Variants in SMIM14 observed in about 807,000 individuals in gnomAD.
The protein encoded by SMIM14 is small integral membrane protein 14.
A neutral mutation model predicts 12.6 loss-of-function variants in SMIM14; 5 were observed. The observed-to-expected ratio is 0.40, with a 90% CI of 0.21 to 0.83. The LOEUF is 0.83. Ranked by LOEUF, SMIM14 falls within the 40% of genes least tolerant of loss-of-function variation. SMIM14 has a pLI of 0.37. For synonymous variants in SMIM14, 30 were observed against 40.1 expected (o/e 0.75, Z 0.95); for missense variants, 86 against 119.1 (o/e 0.72, Z 1.29).
intron 2 of SMIM14, among the ~76,000 whole-genome samples, chr4:39,602,981 T>C (rs1714673089): frequency 6.6e-6 from 1 of 152,122 alleles, no homozygotes; most frequent in Non-Finnish European, 1.5e-5. Flanking sequence ...ATGTTACAGG[T>C]TGAGTATCCC....
At chr4:39,597,220 A>T (rs1227143793) in intron 2 of SMIM14, among the ~76,000 whole-genome samples, 2 of 151,132 alleles carry the variant, frequency 1.3e-5, no homozygotes, top group Non-Finnish European at 2.9e-5. Context: ...TGCATCCTAC[A>T]TGGCTTAAAA....
intron 2 of SMIM14, among the ~76,000 whole-genome samples, chr4:39,603,528 C>T (rs896036964): frequency 2.2e-4 from 34 of 152,020 alleles, no homozygotes; most frequent in Admixed American, 5.2e-4. Context: ...CACTGCACTC[C>T]AGCCTGGGTG....
intron 3 of SMIM14, among the ~76,000 whole-genome samples, chr4:39,569,830 CT>C (rs1712793231): frequency 6.6e-6 from 1 of 152,198 alleles, no homozygotes; most frequent in Admixed American, 6.6e-5. Context: ...CTATTCCCCT[CT>C]TTTCTGCCTA....
intron 2 of SMIM14, among the ~76,000 whole-genome samples, chr4:39,572,713 T>C (rs1169314039): frequency 1.3e-5 from 2 of 152,062 alleles, no homozygotes; most frequent in Non-Finnish European, 2.9e-5. Context: ...TCTCAGCTAT[T>C]AGGGAGGCTG....
chr4:39,560,250 C>CTTTTTTTTTT (rs773257583), intron 3 of SMIM14, among the ~76,000 whole-genome samples: 2 of 140,754 alleles, frequency 1.4e-5, no homozygotes, highest in African/African-American at 5.4e-5. Flanking sequence ...CTTTTCTTTT[C>CTTTTTTTTTT]TTTTTTTTTT....
At chr4:39,611,433 G>A (rs142946778) in intron 1 of SMIM14, among the ~76,000 whole-genome samples, 1,764 of 152,116 alleles carry the variant, frequency 0.012, 27 homozygotes, top group African/African-American at 0.04. Context: ...TTGAACTCGG[G>A]GGGTGGAGGT....
Position 39,549,195 on chromosome 4 carries a change from AAAC to A in SMIM14, c.*2928_*2930del, listed in dbSNP as rs1004907524. The A allele has an allele frequency of 7.2e-5, 11 of 152,268 alleles. No homozygotes were observed. The highest frequency in any genetic ancestry group is 2.6e-4 in the African/African-American group (11 of 41,570). The allele number at this position is 152,268 out of a possible 1,614,324, so 9.4% of individuals were successfully genotyped here. A position where few individuals can be genotyped will look rare whatever the true frequency, so the allele number is the denominator to read the frequency against. On this transcript the variant is annotated 3_prime_UTR_variant, in exon 5 of 5. Transcript: ENST00000295958. ...GGCGAAAGAGCAAAACTCCATCTCAAAACAACAACCAAAAAGAATCCAGATTTT... is the reference window on the plus strand; with the variant it reads ...GGCGAAAGAGCAAAACTCCATCTCAAAACAACCAAAAAGAATCCAGATTTT...
intron 1 of SMIM14, among the ~76,000 whole-genome samples, chr4:39,614,591 G>C (rs543251193): frequency 1.3e-5 from 2 of 151,976 alleles, no homozygotes; most frequent in Non-Finnish European, 2.9e-5. Context: ...CAAAGTGCTG[G>C]GATTACAGGC....
chr4:39,572,534 C>G (rs1215519159), intron 2 of SMIM14, 71 bp from the exon 3 acceptor site: 1 of 1,362,646 alleles, frequency 7.3e-7, no homozygotes, highest in African/African-American at 1.4e-5. Flanking sequence ...TTAGAAAGAT[C>G]ATGTTTTGGC....
At chr4:39,615,814 A>G (rs1414307594) in intron 1 of SMIM14, among the ~76,000 whole-genome samples, 1 of 152,202 alleles carries the variant, frequency 6.6e-6, no homozygotes, top group Non-Finnish European at 1.5e-5. Flanking sequence ...ACTTTTGTGT[A>G]TATTTTTTAA....
At chr4:39,609,228 C>G (rs900658142) in intron 1 of SMIM14, among the ~76,000 whole-genome samples, 5 of 152,158 alleles carry the variant, frequency 3.3e-5, no homozygotes, top group South Asian at 2.1e-4. Flanking sequence ...GATCCGCCCG[C>G]CTTGGCCTCC....
chr4:39,591,799 C>T (rs1714095005), intron 2 of SMIM14, among the ~76,000 whole-genome samples: 3 of 152,254 alleles, frequency 2.0e-5, no homozygotes, highest in South Asian at 4.1e-4. Flanking sequence ...CTCCTGGCCT[C>T]AAATGATCTG....
At chr4:39,576,549 G>A (rs1713175249) in intron 2 of SMIM14, among the ~76,000 whole-genome samples, 3 of 149,700 alleles carry the variant, frequency 2.0e-5, no homozygotes, top group Non-Finnish European at 4.4e-5. Context: ...AGAACCAAAT[G>A]CTCTCTACAA....
chr4:39,638,352 A>G (rs907804172), intron 1 of SMIM14: 16 of 574,862 alleles, frequency 2.8e-5, no homozygotes, highest in Non-Finnish European at 3.3e-5. Context: ...GACGGTAAAC[A>G]AGATAGTGTG....
chr4:39,638,483 C>T, intron 1 of SMIM14: 2 of 985,484 alleles, frequency 2.0e-6, no homozygotes, highest in Non-Finnish European at 2.4e-6. Context: ...CTTGCCCTTG[C>T]CTGCAAAGCC....
Position 39,636,029 on chromosome 4 carries a change from C to T in SMIM14, c.-36+2710G>A, listed in dbSNP as rs369841426. ...CTCTACTAAAAATACAAAAATTAGT[C>T]GGGCGTGATGGTGTGCACCTGTAAT... On this transcript the variant is annotated intron_variant, in intron 1 of 4. Transcript: ENST00000295958. 3.8e-4 allele frequency among the ~76,000 whole-genome samples: 57 copies of T among 151,886 alleles called. No individual in the cohort carries two copies. In the East Asian group the frequency reaches 9.3e-3, roughly 25 times the overall value.
intron 2 of SMIM14, chr4:39,593,370 C>T (rs1560296996): frequency 6.6e-6 from 1 of 152,196 alleles, no homozygotes; most frequent in Non-Finnish European, 1.5e-5. Flanking sequence ...ATGCTAAAAA[C>T]TTTCAATAAA....
chr4:39,631,119 G>A (rs991182796), intron 1 of SMIM14, among the ~76,000 whole-genome samples: 5 of 151,806 alleles, frequency 3.3e-5, no homozygotes, highest in Non-Finnish European at 5.9e-5. Flanking sequence ...ATCACTTGAG[G>A]TCAGGAGTTC....
intron 1 of SMIM14, among the ~76,000 whole-genome samples, chr4:39,609,908 G>A (rs1714963014): frequency 6.6e-6 from 1 of 152,190 alleles, no homozygotes; most frequent in African/African-American, 2.4e-5. Context: ...ATCACTGGAA[G>A]GAAGACAAAT....
Sources: allele counts gnomAD v4.1 joint callset (sites outside exome capture counted in the v4.1 genomes callset), GRCh38; gene constraint gnomAD v4.1.1; transcripts MANE v1.5; gene names NCBI Gene and HGNC (gene_info 2026-07-23, HGNC 2026-07-21).